The following UTRN variants were observed in gnomAD, a reference collection of about 807,000 sequenced individuals.
UTRN encodes utrophin.
A neutral mutation model predicts 463.9 loss-of-function variants in UTRN; 283 were observed. The observed-to-expected ratio is 0.61, with a 90% CI of 0.55 to 0.67. The LOEUF (loss-of-function observed/expected upper bound fraction) is 0.67. UTRN is among the 30% of genes least tolerant of loss of function. The pLI is 0.00. For synonymous variants in UTRN, 1,442 were observed against 1,431.5 expected, an observed-to-expected ratio of 1.01 and a Z score of -0.17; for missense variants, 3,922 against 4,084.3, an observed-to-expected ratio of 0.96 and a Z score of 1.08.
intron 52 of UTRN, among the ~76,000 whole-genome samples, chr6:144,690,095 T>TTGTGTGTGTGTGTGTGTGTG (rs1554339292): frequency 2.1e-4 from 7 of 33,458 alleles, no homozygotes; most frequent in African/African-American, 7.2e-4. Context: ...TTTTTTTTTT[T>TTGTGTGTGTGTGTGTGTGTG]TGTGTGTGTG....
At chr6:144,518,670 A>G (rs948114349) in intron 39 of UTRN, among the ~76,000 whole-genome samples, 2 of 152,132 alleles carry the variant, frequency 1.3e-5, no homozygotes, top group African/African-American at 4.8e-5. Flanking sequence ...AGTTCAGGCA[A>G]TATCTTTTTC....
At position 144,335,813 on chromosome 6, in the gene UTRN, T is replaced by A. The variant is rs546363261; in HGVS notation, c.79+43906T>A. ...ATCCTGGAACTGTCTTTATATCATCTTGGAAACCCTGGAGCTGATTTGAAA... is the reference window on the plus strand; with the variant it reads ...ATCCTGGAACTGTCTTTATATCATCATGGAAACCCTGGAGCTGATTTGAAA... On this transcript the variant is annotated intron_variant, in intron 2 of 74. Transcript: ENST00000367545. Among the ~76,000 whole-genome samples the A allele has an allele frequency of 2.8e-4, 42 of 152,322 alleles. No homozygotes were observed. The Middle Eastern group carries it at 0.014, about 49-fold the overall frequency.
intron 53 of UTRN, among the ~76,000 whole-genome samples, chr6:144,715,339 T>C (rs1786279723): frequency 6.6e-6 from 1 of 152,348 alleles, no homozygotes; most frequent in South Asian, 2.1e-4. Flanking sequence ...ATCTACCACC[T>C]GTGACACTCC....
chr6:144,383,067 G>A (rs1251522360), intron 2 of UTRN, among the ~76,000 whole-genome samples: 4 of 151,952 alleles, frequency 2.6e-5, no homozygotes, highest in Non-Finnish European at 5.9e-5. Flanking sequence ...AAGTAGCTGG[G>A]ACCACAGGCA....
At chr6:144,397,575 T>TA (rs1001678033) in intron 2 of UTRN, among the ~76,000 whole-genome samples, 1 of 152,198 alleles carries the variant, frequency 6.6e-6, no homozygotes, top group African/African-American at 2.4e-5. Flanking sequence ...CATTAGATGT[T>TA]ATAGCCCTCT....
chr6:144,373,331 C>T (rs989539536), intron 2 of UTRN, among the ~76,000 whole-genome samples: 1 of 152,160 alleles, frequency 6.6e-6, no homozygotes, highest in Admixed American at 6.5e-5. Flanking sequence ...GAGTATTATT[C>T]AGCCATACAG....
intron 3 of UTRN, among the ~76,000 whole-genome samples, chr6:144,404,345 G>A (rs1442589470): frequency 6.6e-6 from 1 of 152,166 alleles, no homozygotes; most frequent in Non-Finnish European, 1.5e-5. Context: ...GTAAATTTTA[G>A]TTTGTTTTAT....
chr6:144,334,842 G>T (rs1444135478), intron 2 of UTRN, among the ~76,000 whole-genome samples: 2 of 152,144 alleles, frequency 1.3e-5, no homozygotes, highest in Non-Finnish European at 1.5e-5. Context: ...CACGAATTTG[G>T]TGTTTTACTT....
chr6:144,509,786 A>G (rs913929364), intron 34 of UTRN, among the ~76,000 whole-genome samples: 1 of 152,136 alleles, frequency 6.6e-6, no homozygotes, highest in Admixed American at 6.5e-5. Flanking sequence ...ACTATTTTCA[A>G]TGTAATCTTT....
At chr6:144,322,811 C>T (rs967772914) in intron 2 of UTRN, among the ~76,000 whole-genome samples, 1 of 151,918 alleles carries the variant, frequency 6.6e-6, no homozygotes, top group East Asian at 1.9e-4. Context: ...GGCGTGGTGG[C>T]GGGCTCCTGT....
chr6:144,399,444 G>A (rs1019940157), intron 2 of UTRN, among the ~76,000 whole-genome samples: 2 of 152,142 alleles, frequency 1.3e-5, no homozygotes, highest in Admixed American at 6.6e-5. Flanking sequence ...GCTTTCTAGG[G>A]TGTGTTAAGT....
chr6:144,767,905 A>G (rs1793537993), intron 58 of UTRN, among the ~76,000 whole-genome samples: 1 of 152,220 alleles, frequency 6.6e-6, no homozygotes, highest in Admixed American at 6.5e-5. Context: ...AAATCCAGTT[A>G]TAAGCATAAA....
chr6:144,433,983 A>C lies in UTRN; in HGVS notation c.856-1952A>C, dbSNP rs1037793468. Among the ~76,000 whole-genome samples, 57 of 152,220 alleles carry C rather than the reference A, an allele frequency of 3.7e-4. 1 individual carries two copies. On this transcript the variant is annotated intron_variant, in intron 9 of 74. Transcript: ENST00000367545. ...TGCAGTCTCGGCACTTTGGGAGGCC[A>C]AGGCAGGCGGCTGGGATGTGGAGGT...
At chr6:144,608,192 T>C (rs1431118996) in intron 51 of UTRN, among the ~76,000 whole-genome samples, 1 of 152,154 alleles carries the variant, frequency 6.6e-6, no homozygotes, top group East Asian at 1.9e-4. Flanking sequence ...ATCCAATCAG[T>C]TGAAGGCCTT....
chr6:144,409,900 C>T (rs1044706306), intron 3 of UTRN, among the ~76,000 whole-genome samples: 1 of 152,178 alleles, frequency 6.6e-6, no homozygotes, highest in Non-Finnish European at 1.5e-5. Flanking sequence ...TAAGTGCATG[C>T]AGGCAGTTGG....
chr6:144,342,177 C>T (rs1418125682), intron 2 of UTRN, among the ~76,000 whole-genome samples: 2 of 152,064 alleles, frequency 1.3e-5, no homozygotes, highest in Non-Finnish European at 2.9e-5. Context: ...ATAAAAAAGA[C>T]AAATAATAAC....
At chr6:144,369,096 A>G (rs1331262670) in intron 2 of UTRN, among the ~76,000 whole-genome samples, 1 of 152,252 alleles carries the variant, frequency 6.6e-6, no homozygotes, top group Non-Finnish European at 1.5e-5. Context: ...AAATTCACAT[A>G]TGTGAGGACA....
chr6:144,542,913 T>C lies in UTRN; in HGVS notation c.6595+43T>C, dbSNP rs2128607540. 1.3e-6 allele frequency: 2 copies of C among 1,549,826 alleles called. 1 individual carries two copies. The highest frequency in any genetic ancestry group is 2.4e-5 in the South Asian group (2 of 82,906). ...TTAACAAAGTTTTTTAAAAAATCAG[T>C]ATGTAAAATTTTGTGATATGAGCCT... On this transcript the variant is annotated intron_variant, in intron 46 of 74. Coordinates refer to ENST00000367545, the MANE Select transcript of UTRN (RefSeq NM_007124.3).
At position 144,834,616 on chromosome 6, in the gene UTRN, C is replaced by T. The variant is rs145338754; in HGVS notation, c.9666-1164C>T. ...TACAAGTACCAGAGGTCTTCCCCAG[C>T]ATCAAGTGTTACTCATCAGCTCAAG... On this transcript the variant is annotated intron_variant, in intron 69 of 74. Coordinates refer to ENST00000367545, the MANE Select transcript of UTRN (RefSeq NM_007124.3). Among the ~76,000 whole-genome samples, 17 of 152,296 alleles carry T rather than the reference C, an allele frequency of 1.1e-4. No individual in the cohort carries two copies. The East Asian group carries it at 2.3e-3, about 21-fold the overall frequency.
Sources: allele counts gnomAD v4.1 joint callset (sites outside exome capture counted in the v4.1 genomes callset), GRCh38; gene constraint gnomAD v4.1.1; transcripts MANE v1.5; gene names NCBI Gene and HGNC (gene_info 2026-07-23, HGNC 2026-07-21).